Variants in CACNA2D3 observed in about 807,000 individuals in gnomAD.
The protein encoded by CACNA2D3 is voltage-dependent calcium channel subunit alpha-2/delta-3.
In CACNA2D3, 60 loss-of-function variants were observed where a neutral mutation model predicts 160.6. That is an observed-to-expected ratio of 0.37 (90% CI 0.30 to 0.46). CACNA2D3 has a LOEUF of 0.46. Ranked by LOEUF, CACNA2D3 falls within the 20% of genes least tolerant of loss-of-function variation. The probability of loss-of-function intolerance (pLI) is 1.00; values close to 1 mark genes in which losing one functional copy is unlikely to be tolerated. For missense variants in CACNA2D3, 1,205 were observed against 1,365.0 expected, an observed-to-expected ratio of 0.88 and a Z score of 1.85; for synonymous variants, 558 against 492.9, an observed-to-expected ratio of 1.13 and a Z score of -1.75.
At position 54,353,088 on chromosome 3, in the gene CACNA2D3, T is replaced by C. The variant is rs185805745; in HGVS notation, c.321+32530T>C. 3.3e-3 allele frequency among the ~76,000 whole-genome samples: 507 copies of C among 152,354 alleles called. 3 individuals carry two copies. The highest frequency in any genetic ancestry group is 5.4e-3 in the Non-Finnish European group (365 of 68,026). On this transcript the variant is annotated intron_variant, in intron 3 of 37. Transcript: ENST00000474759. ...GTCAGCCTGATGTGCTATCAAATAA[T>C]AGATCTTACCCATTCTCTCTGTTTT...
At chr3:54,185,468 T>A (rs1178056789) in intron 2 of CACNA2D3, among the ~76,000 whole-genome samples, 1 of 152,186 alleles carries the variant, frequency 6.6e-6, no homozygotes, top group Non-Finnish European at 1.5e-5. Flanking sequence ...AAATTTTAAT[T>A]TGTCTGCAGC....
chr3:54,475,153 T>C (rs1421011897), intron 4 of CACNA2D3, among the ~76,000 whole-genome samples: 1 of 152,168 alleles, frequency 6.6e-6, no homozygotes, highest in Non-Finnish European at 1.5e-5. Flanking sequence ...GCCTGAGACC[T>C]GAGACTAAAG....
At chr3:54,316,210 T>C (rs1703857703) in intron 2 of CACNA2D3, among the ~76,000 whole-genome samples, 1 of 152,196 alleles carries the variant, frequency 6.6e-6, no homozygotes, top group Non-Finnish European at 1.5e-5. Flanking sequence ...TGAAATTCTT[T>C]TGTACTGGAA....
chr3:54,878,970 C>A, intron 18 of CACNA2D3, 48 bp from the exon 19 acceptor site: 2 of 1,214,922 alleles, frequency 1.6e-6, no homozygotes, highest in Non-Finnish European at 1.2e-6. Flanking sequence ...GTCCAGATTA[C>A]ATGATAACCC....
chr3:54,809,322 T>TCATTC (rs1559590277), intron 13 of CACNA2D3, among the ~76,000 whole-genome samples: 2 of 110,098 alleles, frequency 1.8e-5, no homozygotes, highest in African/African-American at 8.4e-5. Flanking sequence ...TTTTTTTTTT[T>TCATTC]TTTTTTTGAG....
chr3:54,615,797 G>A (rs1698837053), intron 9 of CACNA2D3, among the ~76,000 whole-genome samples: 1 of 152,200 alleles, frequency 6.6e-6, no homozygotes, highest in Non-Finnish European at 1.5e-5. Context: ...TCTCTGGTCT[G>A]TTAGGAACCA....
At chr3:54,476,183 T>C (rs1424438367) in intron 4 of CACNA2D3, among the ~76,000 whole-genome samples, 2 of 149,558 alleles carry the variant, frequency 1.3e-5, no homozygotes, top group Non-Finnish European at 3.0e-5. Context: ...TTCCTTCTTT[T>C]TAAAGGCTGA....
intron 27 of CACNA2D3, among the ~76,000 whole-genome samples, chr3:54,962,998 C>T (rs928540218): frequency 7.2e-5 from 11 of 152,158 alleles, no homozygotes; most frequent in Non-Finnish European, 1.3e-4. Context: ...TTTCAGATTA[C>T]ACTTGAATGC....
intron 32 of CACNA2D3, among the ~76,000 whole-genome samples, chr3:55,005,647 A>T (rs1703078656): frequency 6.6e-6 from 1 of 152,170 alleles, no homozygotes; most frequent in Non-Finnish European, 1.5e-5. Flanking sequence ...TAGCTATTGT[A>T]CCATTAGAAA....
intron 4 of CACNA2D3, among the ~76,000 whole-genome samples, chr3:54,437,035 C>T (rs985062033): frequency 1.4e-4 from 21 of 152,128 alleles, no homozygotes; most frequent in African/African-American, 4.8e-4. Context: ...ATAAATTATG[C>T]GTACATATTG....
intron 5 of CACNA2D3, among the ~76,000 whole-genome samples, chr3:54,538,478 G>C (rs968443365): frequency 2.6e-5 from 4 of 152,190 alleles, no homozygotes; most frequent in African/African-American, 9.7e-5. Flanking sequence ...AGAGAAGACA[G>C]AGAGCACCCT....
rs558973365 is a variant in CACNA2D3 at position 54,802,409 on chromosome 3, T to C, written c.1381-14444T>C. On this transcript the variant is annotated intron_variant, in intron 13 of 37. Coordinates refer to ENST00000474759, the MANE Select transcript of CACNA2D3 (RefSeq NM_018398.3). ...ATAGCTTCCAGACTTTGGAGAAATA[T>C]GATGTCCCATGTGTTTGTAAGGAAA... 5.0e-4 allele frequency among the ~76,000 whole-genome samples: 76 copies of C among 152,302 alleles called. No individual in the cohort carries two copies. In the South Asian group the frequency reaches 0.015, roughly 30 times the overall value.
chr3:54,558,885 A>G (rs948205952), intron 5 of CACNA2D3, among the ~76,000 whole-genome samples: 25 of 152,256 alleles, frequency 1.6e-4, no homozygotes, highest in African/African-American at 6.0e-4. Flanking sequence ...TTAGGAAAGT[A>G]CCTCATATCC....
intron 5 of CACNA2D3, among the ~76,000 whole-genome samples, chr3:54,506,277 G>A (rs1344677439): frequency 1.3e-5 from 2 of 152,158 alleles, no homozygotes; most frequent in Non-Finnish European, 2.9e-5. Flanking sequence ...AATGCTCAGA[G>A]ATTGGTCACT....
At chr3:54,719,003 A>G (rs957258300) in intron 11 of CACNA2D3, among the ~76,000 whole-genome samples, 14 of 151,914 alleles carry the variant, frequency 9.2e-5, no homozygotes, top group African/African-American at 3.4e-4. Flanking sequence ...GTGTACAATG[A>G]TTTTGCCAAG....
intron 5 of CACNA2D3, among the ~76,000 whole-genome samples, chr3:54,509,425 TA>T (rs1701423927): frequency 6.6e-6 from 1 of 152,120 alleles, no homozygotes; most frequent in African/African-American, 2.4e-5. Flanking sequence ...GATTCTGAAC[TA>T]AAGCATTTGG....
At chr3:55,055,606 A>C (rs1233854196) in intron 35 of CACNA2D3, among the ~76,000 whole-genome samples, 1 of 152,046 alleles carries the variant, frequency 6.6e-6, no homozygotes, top group Admixed American at 6.6e-5. Context: ...ATTTTGATAG[A>C]GATTGCATTT....
intron 15 of CACNA2D3, 66 bp from the exon 16 acceptor site, chr3:54,838,502 G>T (rs9815851): frequency 3.1e-6 from 4 of 1,292,558 alleles, no homozygotes; most frequent in East Asian, 2.3e-5. Context: ...GTGACTTCTC[G>T]TGAGATTCTA....
At chr3:54,306,880 A>C (rs1349910741) in intron 2 of CACNA2D3, among the ~76,000 whole-genome samples, 1 of 152,234 alleles carries the variant, frequency 6.6e-6, no homozygotes, top group Non-Finnish European at 1.5e-5. Context: ...CAGCATGTTC[A>C]AAGAACTGGA....
Sources: allele counts gnomAD v4.1 joint callset (sites outside exome capture counted in the v4.1 genomes callset), GRCh38; gene constraint gnomAD v4.1.1; transcripts MANE v1.5; gene names NCBI Gene and HGNC (gene_info 2026-07-23, HGNC 2026-07-21).